MAP2: variants seen among roughly 807,000 people sequenced by gnomAD.
MAP2 encodes microtubule associated protein 2, also known as microtubule-associated protein 2.
Under a neutral mutation model 137.6 loss-of-function variants are expected in MAP2, and 14 were observed. The ratio of observed to expected loss-of-function variants is 0.10; its 90% confidence interval spans 0.07 to 0.16. The LOEUF is 0.16. Among genes scored for constraint, MAP2 ranks in the 10% least tolerant of loss-of-function variants. The pLI, the probability that MAP2 is intolerant of heterozygous loss-of-function variation, is 1.00. For missense variants in MAP2, 2,088 were observed against 2,191.5 expected, an observed-to-expected ratio of 0.95 and a Z score of 0.94; for synonymous variants, 786 against 782.3, an observed-to-expected ratio of 1.00 and a Z score of -0.08.
At chr2:209,570,796 A>AT (rs1408012855) in intron 2 of MAP2, among the ~76,000 whole-genome samples, 1 of 151,922 alleles carries the variant, frequency 6.6e-6, no homozygotes, top group Non-Finnish European at 1.5e-5. Context: ...GAAATCAGTG[A>AT]TTCCTGAAAT....
At chr2:209,430,929 C>T (rs1006242219) in intron 1 of MAP2, among the ~76,000 whole-genome samples, 1 of 152,168 alleles carries the variant, frequency 6.6e-6, no homozygotes, top group South Asian at 2.1e-4. Flanking sequence ...CACTGTATCT[C>T]AGACTAAAGT....
At position 209,695,352 on chromosome 2, in the gene MAP2, A is replaced by G; in HGVS notation, c.3182A>G (p.Asn1061Ser). 1.2e-6 allele frequency: 2 copies of G among 1,613,978 alleles called. No individual in the cohort carries two copies. The highest frequency in any genetic ancestry group is 1.7e-6 in the Non-Finnish European group (2 of 1,179,944). The part of the protein sequence containing the change: ...SDFGQMASGL[N>S]IDDRRATELK... ...TTTGGACAGATGGCTTCAGGGCTAA[A>G]CATAGATGATAGAAGGGCAACAGAG... The change falls in exon 8 of 16, where the codon AAC becomes AGC. Residue 1061 changes from asparagine to serine, a missense_variant. Coordinates refer to ENST00000682079, the MANE Select transcript of MAP2 (RefSeq NM_001375505.1).
intron 4 of MAP2, among the ~76,000 whole-genome samples, chr2:209,626,113 G>A (rs2092273129): frequency 6.6e-6 from 1 of 151,852 alleles, no homozygotes; most frequent in South Asian, 2.1e-4. Flanking sequence ...GATGTTCAAA[G>A]CAAAATATAA....
chr2:209,549,498 T>G (rs997664324), intron 2 of MAP2, among the ~76,000 whole-genome samples: 2 of 152,292 alleles, frequency 1.3e-5, no homozygotes, highest in Admixed American at 6.5e-5. Flanking sequence ...TAGTTACCTA[T>G]AAGGAATAAT....
chr2:209,564,556 TAAAA>T (rs757367849), intron 2 of MAP2, among the ~76,000 whole-genome samples: 3 of 56,002 alleles, frequency 5.4e-5, no homozygotes, highest in African/African-American at 1.2e-4. Context: ...CTCTGTGGAG[TAAAA>T]AAAAAAAAAA....
intron 13 of MAP2, among the ~76,000 whole-genome samples, chr2:209,712,149 C>T (rs1234786386): frequency 6.6e-6 from 1 of 152,060 alleles, no homozygotes; most frequent in Non-Finnish European, 1.5e-5. Flanking sequence ...AAGATTCAAT[C>T]AACCCAAAAA....
chr2:209,713,405 T>C (rs1238183795), intron 13 of MAP2, among the ~76,000 whole-genome samples: 1 of 152,170 alleles, frequency 6.6e-6, no homozygotes, highest in African/African-American at 2.4e-5. Flanking sequence ...GTGAGTCACA[T>C]CAATGCCTAA....
At chr2:209,640,138 G>A (rs1242725103) in intron 4 of MAP2, among the ~76,000 whole-genome samples, 1 of 151,920 alleles carries the variant, frequency 6.6e-6, no homozygotes, top group Non-Finnish European at 1.5e-5. Flanking sequence ...CCTCTTCCAG[G>A]CAGTGTTGAT....
chr2:209,516,154 C>A (rs913587076), intron 2 of MAP2, among the ~76,000 whole-genome samples: 1 of 151,970 alleles, frequency 6.6e-6, no homozygotes, highest in Non-Finnish European at 1.5e-5. Flanking sequence ...CTTAGAAATA[C>A]AGAAAAGTCT....
At position 209,677,435 on chromosome 2, in the gene MAP2, CAGACAGAT is replaced by C. The variant is rs1380254535; in HGVS notation, c.263-1133_263-1126del. 8.3e-3 allele frequency among the ~76,000 whole-genome samples: 1,229 copies of C among 148,092 alleles called. 14 individuals carry two copies. Among genetic ancestry groups the C allele is most frequent in the African/African-American group, 0.03 (1,164 of 38,644 alleles). The stretch of plus-strand genomic sequence containing the variant: ...ACAGACAGACAGACAGACAGACAGA[CAGACAGAT>C]AGATGTTGCTCAATTGTGGCTCATC... On this transcript the variant is annotated intron_variant, in intron 5 of 15. Transcript: ENST00000682079.
At chr2:209,484,170 A>T (rs2058075074) in intron 1 of MAP2, among the ~76,000 whole-genome samples, 1 of 152,196 alleles carries the variant, frequency 6.6e-6, no homozygotes, top group Non-Finnish European at 1.5e-5. Context: ...ATGATTTTTA[A>T]CTTGTGAGGG....
chr2:209,474,727 G>T (rs1013422377), intron 1 of MAP2, among the ~76,000 whole-genome samples: 1 of 151,988 alleles, frequency 6.6e-6, no homozygotes, highest in African/African-American at 2.4e-5. Context: ...AGCTCGAAAT[G>T]GGTGATTTTC....
At chr2:209,675,271 A>G (rs577145988) in intron 5 of MAP2, among the ~76,000 whole-genome samples, 2 of 151,976 alleles carry the variant, frequency 1.3e-5, no homozygotes, top group South Asian at 4.1e-4. Context: ...AAACATATAC[A>G]AAAATAAAAT....
chr2:209,531,064 A>G (rs1047900085), intron 2 of MAP2, among the ~76,000 whole-genome samples: 3 of 152,184 alleles, frequency 2.0e-5, no homozygotes, highest in African/African-American at 7.2e-5. Flanking sequence ...TTTGTAGACT[A>G]TTTAAAGCCA....
intron 5 of MAP2, among the ~76,000 whole-genome samples, chr2:209,662,502 A>G (rs1323515089): frequency 1.3e-5 from 2 of 152,174 alleles, no homozygotes; most frequent in East Asian, 1.9e-4. Context: ...ATATAATTTA[A>G]TTATCATTGT....
In MAP2 at chr2:209,519,371, C is replaced by T. The variant is rs115019515; in HGVS notation, c.-172+11730C>T. ...TCATCTGTGTTAGCTAATTGGCTTT[C>T]TCTGAGGAGAAACAAATTTCTCATC... On this transcript the variant is annotated intron_variant, in intron 2 of 15. Coordinates refer to ENST00000682079, the MANE Select transcript of MAP2 (RefSeq NM_001375505.1). 9.5e-4 allele frequency among the ~76,000 whole-genome samples: 145 copies of T among 152,184 alleles called. 3 individuals are homozygous for T. The highest frequency in any genetic ancestry group is 3.4e-3 in the African/African-American group (142 of 41,562).
intron 4 of MAP2, among the ~76,000 whole-genome samples, chr2:209,649,776 A>T (rs1001955905): frequency 1.3e-5 from 2 of 152,210 alleles, no homozygotes; most frequent in African/African-American, 4.8e-5. Flanking sequence ...AAGGAATATT[A>T]TCTGAATAGT....
chr2:209,535,587 TG>T (rs1423595309), intron 2 of MAP2, among the ~76,000 whole-genome samples: 1 of 151,584 alleles, frequency 6.6e-6, no homozygotes, highest in East Asian at 1.9e-4. Flanking sequence ...AGAAGAAAGC[TG>T]ATCAATGGCT....
At chr2:209,528,287 C>T (rs374058777) in intron 2 of MAP2, among the ~76,000 whole-genome samples, 2 of 152,056 alleles carry the variant, frequency 1.3e-5, no homozygotes, top group Non-Finnish European at 2.9e-5. Context: ...TACTCAAAAT[C>T]AGTAATTGTA....
Sources: gnomAD v4.1 joint callset for allele counts (sites outside exome capture counted in the v4.1 genomes callset) on GRCh38, gnomAD v4.1.1 for gene constraint, MANE v1.5 for transcripts, NCBI Gene and HGNC (gene_info 2026-07-23, HGNC 2026-07-21) for gene names.